NSMCE2: variants seen among roughly 807,000 people sequenced by gnomAD.
The protein encoded by NSMCE2 is NSE2 SUMO ligase component of SMC5/6 complex.
In NSMCE2, 24 loss-of-function variants were observed where a neutral mutation model predicts 23.8. The ratio of observed to expected loss-of-function variants is 1.01; its 90% confidence interval spans 0.73 to 1.42. NSMCE2 has a LOEUF of 1.42. Ranked by LOEUF, NSMCE2 falls within the 40% of genes most tolerant of loss-of-function variation. The pLI is 0.00. For synonymous variants in NSMCE2, 92 were observed against 94.1 expected (o/e 0.98, Z 0.13); for missense variants, 284 against 296.5 (o/e 0.96, Z 0.31).
intron 5 of NSMCE2, among the ~76,000 whole-genome samples, chr8:125,337,532 C>T (rs1263506163): frequency 6.6e-6 from 1 of 152,202 alleles, no homozygotes; most frequent in Non-Finnish European, 1.5e-5. Context: ...TAATGGCCAC[C>T]TATTTCTGTA....
intron 5 of NSMCE2, among the ~76,000 whole-genome samples, chr8:125,201,402 G>C (rs1823867425): frequency 6.6e-6 from 1 of 152,210 alleles, no homozygotes; most frequent in African/African-American, 2.4e-5. Context: ...CTTTCTGTTT[G>C]TTAGTTTTCC....
chr8:125,282,518 T>G (rs933970215), intron 5 of NSMCE2, among the ~76,000 whole-genome samples: 1 of 152,256 alleles, frequency 6.6e-6, no homozygotes, highest in Non-Finnish European at 1.5e-5. Flanking sequence ...GCATCGCATA[T>G]TTACCTCTGC....
chr8:125,189,884 T>A (rs2384859), intron 5 of NSMCE2, among the ~76,000 whole-genome samples: 55,692 of 152,128 alleles, frequency 0.37, 13,746 homozygotes, highest in African/African-American at 0.7. Context: ...AATATGGCTT[T>A]AGTCACTTAA....
At chr8:125,189,919 C>T (rs1340538071) in intron 5 of NSMCE2, among the ~76,000 whole-genome samples, 2 of 152,096 alleles carry the variant, frequency 1.3e-5, no homozygotes, top group African/African-American at 2.4e-5. Context: ...AACATTCAAA[C>T]AAATTGATGA....
chr8:125,189,112 T>G (rs554051421), intron 5 of NSMCE2, among the ~76,000 whole-genome samples: 1 of 152,336 alleles, frequency 6.6e-6, no homozygotes, highest in South Asian at 2.1e-4. Context: ...GTATAACTGT[T>G]GTTAGAAATA....
chr8:125,226,400 C>T (rs983809738), intron 5 of NSMCE2, among the ~76,000 whole-genome samples: 1 of 152,160 alleles, frequency 6.6e-6, no homozygotes, highest in African/African-American at 2.4e-5. Context: ...ACAGTGCATC[C>T]TTTGTAACTG....
At position 125,361,848 on chromosome 8, in the gene NSMCE2, T is replaced by A. The variant is rs192723278; in HGVS notation, c.626+4030T>A. Among the ~76,000 whole-genome samples, 169 of 152,318 alleles carry A rather than the reference T, an allele frequency of 1.1e-3. 1 individual carries two copies. The highest frequency in any genetic ancestry group is 3.3e-3 in the African/African-American group (138 of 41,584). ...TGTGTTGAGGTATGACAGGAATCCC[T>A]CCCACTCAGATTTCCAGAGGTCTCT... On this transcript the variant is annotated intron_variant, in intron 7 of 7. Transcript: ENST00000287437.
chr8:125,274,485 C>A (rs570024548), intron 5 of NSMCE2, among the ~76,000 whole-genome samples: 74 of 152,282 alleles, frequency 4.9e-4, no homozygotes, highest in Non-Finnish European at 1.9e-4. Context: ...AACTCCATGT[C>A]ACCTACCAGT....
At chr8:125,255,301 T>C (rs1411745701) in intron 5 of NSMCE2, among the ~76,000 whole-genome samples, 1 of 152,138 alleles carries the variant, frequency 6.6e-6, no homozygotes, top group Non-Finnish European at 1.5e-5. Context: ...AGTTAAGCCA[T>C]AGAGTTTAGG....
chr8:125,178,205 C>T (rs1189118875), intron 4 of NSMCE2, among the ~76,000 whole-genome samples: 2 of 152,150 alleles, frequency 1.3e-5, no homozygotes, highest in African/African-American at 4.8e-5. Flanking sequence ...TTTCTCGCTG[C>T]CTGTTGGGTC....
At chr8:125,242,612 G>A (rs1236342740) in intron 5 of NSMCE2, among the ~76,000 whole-genome samples, 1 of 152,048 alleles carries the variant, frequency 6.6e-6, no homozygotes, top group East Asian at 1.9e-4. Context: ...TAAACAGAGG[G>A]CCCTCTGACC....
chr8:125,182,439 C>A, intron 5 of NSMCE2, 183 bp downstream of exon 5: 1 of 615,164 alleles, frequency 1.6e-6, no homozygotes, highest in African/African-American at 1.9e-5. Context: ...AATCAGCCTG[C>A]TCATTTCTGA....
chr8:125,348,693 C>G (rs1812888954), intron 5 of NSMCE2: 3 of 152,278 alleles, frequency 2.0e-5, no homozygotes, highest in South Asian at 2.1e-4. Flanking sequence ...GTTCTCATCT[C>G]TCTTGCCTGC....
chr8:125,285,092 G>A (rs1827842899), intron 5 of NSMCE2, among the ~76,000 whole-genome samples: 1 of 152,202 alleles, frequency 6.6e-6, no homozygotes, highest in Non-Finnish European at 1.5e-5. Flanking sequence ...CAAAGTATCA[G>A]TTGAACTAGA....
chr8:125,262,690 G>A (rs1826746565), intron 5 of NSMCE2, among the ~76,000 whole-genome samples: 1 of 151,528 alleles, frequency 6.6e-6, no homozygotes, highest in Admixed American at 6.6e-5. Flanking sequence ...TACACTGGAA[G>A]TCTAGTTTTT....
intron 5 of NSMCE2, among the ~76,000 whole-genome samples, chr8:125,269,535 T>C (rs1293229288): frequency 6.6e-6 from 1 of 152,210 alleles, no homozygotes; most frequent in Admixed American, 6.5e-5. Flanking sequence ...ATTTATTTCC[T>C]GTGCTCATCA....
intron 5 of NSMCE2, among the ~76,000 whole-genome samples, chr8:125,298,823 G>A (rs1201550653): frequency 6.6e-6 from 1 of 151,664 alleles, no homozygotes; most frequent in Non-Finnish European, 1.5e-5. Context: ...AGGGTGATGG[G>A]TGACTTTTTA....
chr8:125,154,994 CAAAT>C (rs891230324), intron 4 of NSMCE2, among the ~76,000 whole-genome samples: 3 of 152,148 alleles, frequency 2.0e-5, no homozygotes, highest in African/African-American at 4.8e-5. Context: ...AATAAATACT[CAAAT>C]AAATCTTTGA....
At position 125,113,729 on chromosome 8, in the gene NSMCE2, A is replaced by G. The variant is rs1242740149; in HGVS notation, c.157+11242A>G. On this transcript the variant is annotated intron_variant, in intron 3 of 7. Coordinates refer to ENST00000287437, the MANE Select transcript of NSMCE2 (RefSeq NM_173685.4). ...TTCCCCCGTCATCCTCTCCTTTCTC[A>G]TCAGCAGGATCCACCATGTTCACAT... 2.6e-5 allele frequency among the ~76,000 whole-genome samples: 4 copies of G among 152,162 alleles called. No homozygotes were observed. The East Asian group carries it at 7.7e-4, about 29-fold the overall frequency.
Sources: allele counts gnomAD v4.1 joint callset (sites outside exome capture counted in the v4.1 genomes callset), GRCh38; gene constraint gnomAD v4.1.1; transcripts MANE v1.5; gene names NCBI Gene and HGNC (gene_info 2026-07-23, HGNC 2026-07-21).